The following IL17B variants were observed in gnomAD, a reference collection of about 807,000 sequenced individuals.
IL17B encodes the protein interleukin 17B.
IL17B carries 14 observed loss-of-function variants against 14.7 expected under a neutral mutation model. That is an observed-to-expected ratio of 0.95 (90% CI 0.63 to 1.49). The LOEUF (loss-of-function observed/expected upper bound fraction) is 1.49. Among genes scored for constraint, IL17B ranks in the 40% most tolerant of loss-of-function variants. The pLI, the probability that IL17B is intolerant of heterozygous loss-of-function variation, is 0.00. For missense variants in IL17B, 233 were observed against 252.8 expected, an observed-to-expected ratio of 0.92 and a Z score of 0.53; for synonymous variants, 105 against 94.8, an observed-to-expected ratio of 1.11 and a Z score of -0.62.
At position 149,374,932 on chromosome 5, in the gene IL17B, C is replaced by G. The variant is rs1758485056; in HGVS notation, c.312-332G>C. 1.8e-5 allele frequency: 4 copies of G among 225,792 alleles called. No individual in the cohort carries two copies. The highest frequency in any genetic ancestry group is 2.6e-5 in the Non-Finnish European group (3 of 114,986). The allele number at this position is 225,792 out of a possible 1,614,324, so 14.0% of individuals were successfully genotyped here. On this transcript the variant is annotated intron_variant, in intron 2 of 2. Transcript: ENST00000261796. The surrounding 1 kb of genome is among the most constrained non-coding windows in gnomAD (Gnocchi z 5.0). ...TACCACCTAGGGCCCTCATGTGTTT[C>G]CTTTATTTGAGACAGGGTCTCACTC...
chr5:149,389,042 GC>G, intron 1 of IL17B, among the ~76,000 whole-genome samples: 1 of 152,334 alleles, frequency 6.6e-6, no homozygotes, highest in South Asian at 2.1e-4. Flanking sequence ...GTAAATGTCG[GC>G]TGATAGGAAG....
chr5:149,393,117 G>A (rs895140053), intron 1 of IL17B, among the ~76,000 whole-genome samples: 4 of 152,092 alleles, frequency 2.6e-5, no homozygotes, highest in East Asian at 1.9e-4. Flanking sequence ...TACCTAACCC[G>A]TTTATTGTAC....
chr5:149,400,007 C>A (rs1046468935), intron 1 of IL17B, among the ~76,000 whole-genome samples: 1 of 152,144 alleles, frequency 6.6e-6, no homozygotes, highest in Admixed American at 6.5e-5. Context: ...GCAAGCACCC[C>A]TATATGGGTT....
chr5:149,379,263 G>A lies in IL17B; in HGVS notation c.-38C>T, dbSNP rs372213160. ...CAAGGTCAGCCTGCAGCTGCTGCCC[G>A]CCTGGAACCCCAGATGCCGCCGAGA... On this transcript the variant is annotated 5_prime_UTR_variant, in exon 1 of 3. Transcript: ENST00000261796. 2.9e-5 allele frequency: 47 copies of A among 1,613,136 alleles called. No individual in the cohort carries two copies. The Middle Eastern group carries it at 8.3e-4, about 28-fold the overall frequency.
rs752743282 is a variant in IL17B, at chr5:149,374,437, G to A, written c.475C>T (p.Arg159Cys). ...GCGCGCTGGCGGCAAGGCCCTGTGC[G>A]GGGCGGTGGCGGGCAGAGGCGGCGG... ...VRRRLCPPPP[R>C]TGPCRQRAVM... Residue 159 changes from arginine to cysteine, a missense_variant, in exon 3 of 3, where the codon CGC becomes TGC. By Grantham distance (180) the Arg-to-Cys change is radical. Transcript: ENST00000261796. This position sits in a 1 kb window ranked among gnomAD's most constrained non-coding sequence, Gnocchi z 5.0. 1.1e-4 allele frequency: 178 copies of A among 1,609,484 alleles called. No individual in the cohort carries two copies. In the Admixed American group the frequency reaches 1.5e-3, roughly 14 times the overall value.
At chr5:149,380,817 C>G (rs1758676008), upstream of IL17B, among the ~76,000 whole-genome samples, 1 of 152,208 alleles carries the variant, frequency 6.6e-6, no homozygotes, top group African/African-American at 2.4e-5. Context: ...ATTAATCTGT[C>G]CGGGGCAGGC....
intron 1 of IL17B, among the ~76,000 whole-genome samples, chr5:149,399,351 T>C (rs1759163966): frequency 6.6e-6 from 1 of 152,224 alleles, no homozygotes; most frequent in African/African-American, 2.4e-5. Context: ...AGTTCCCTTC[T>C]AAATCCTTTA....
upstream of IL17B, among the ~76,000 whole-genome samples, chr5:149,383,016 A>G (rs1758738501): frequency 6.6e-6 from 1 of 152,210 alleles, no homozygotes; most frequent in South Asian, 2.1e-4. Context: ...GCCTCCACAG[A>G]TGGGCTGGCC....
intron 1 of IL17B, among the ~76,000 whole-genome samples, chr5:149,399,140 G>A (rs574796278): frequency 7.9e-5 from 12 of 152,258 alleles, no homozygotes; most frequent in African/African-American, 2.6e-4. Flanking sequence ...CACAACACAT[G>A]GGAACTATGG....
chr5:149,377,183 CT>C (rs1277167422), intron 1 of IL17B, among the ~76,000 whole-genome samples, 158 bp from the exon 2 acceptor site: 1 of 151,262 alleles, frequency 6.6e-6, no homozygotes, highest in African/African-American at 2.5e-5. Flanking sequence ...AGATTACCCC[CT>C]GTTTCCTCTC....
chr5:149,384,217 G>A (rs936394781), upstream of IL17B, among the ~76,000 whole-genome samples: 7 of 152,096 alleles, frequency 4.6e-5, no homozygotes, highest in South Asian at 4.2e-4. Flanking sequence ...GGGAAAGCAC[G>A]GCAGACTTCA....
intron 1 of IL17B, among the ~76,000 whole-genome samples, chr5:149,391,002 A>G (rs1347306239): frequency 6.6e-6 from 1 of 151,942 alleles, no homozygotes; most frequent in African/African-American, 2.4e-5. Flanking sequence ...AGAGAACCTG[A>G]TTCTGTCACC....
At chr5:149,382,001 G>A (rs1758710638), upstream of IL17B, among the ~76,000 whole-genome samples, 1 of 152,128 alleles carries the variant, frequency 6.6e-6, no homozygotes, top group Admixed American at 6.5e-5. Flanking sequence ...GGTGGCCGCG[G>A]TCTCGCTCAG....
upstream of IL17B, among the ~76,000 whole-genome samples, chr5:149,380,960 CA>C (rs145268092): frequency 4.6e-5 from 7 of 152,362 alleles, no homozygotes; most frequent in East Asian, 1.3e-3. Context: ...AATACCTCCT[CA>C]GGCAACAAGG....
intron 2 of IL17B, among the ~76,000 whole-genome samples, chr5:149,375,528 C>T (rs916555173): frequency 6.6e-6 from 1 of 152,176 alleles, no homozygotes; most frequent in Non-Finnish European, 1.5e-5. Flanking sequence ...GGATCTTTAC[C>T]GACCCTTCCA....
At chr5:149,384,532 A>C (rs1758780752) in intron 1 of IL17B, among the ~76,000 whole-genome samples, 1 of 152,234 alleles carries the variant, frequency 6.6e-6, no homozygotes, top group South Asian at 2.1e-4. Context: ...GATGAACCAG[A>C]GTGCTCTGAA....
rs139682033 is a variant in IL17B at position 149,387,115 on chromosome 5, G to A, written n.96-10090C>T. Among the ~76,000 whole-genome samples, 813 of 151,446 alleles carry A rather than the reference G, an allele frequency of 5.4e-3. 3 individuals are homozygous for A. Among genetic ancestry groups the A allele is most frequent in the Middle Eastern group, 0.01 (3 of 292 alleles). On this transcript the variant is annotated intron_variant and non_coding_transcript_variant, in intron 1 of 2. Coordinates refer to the IL17B transcript ENST00000505432. ...GCTGGGCCCCTCTCCTCTCAGTCCT[G>A]TGCACCTCCTGCATGCATGGGAACT...
At chr5:149,375,188 A>C (rs765054687) in intron 2 of IL17B, 1 of 152,382 alleles carries the variant, frequency 6.6e-6, no homozygotes, top group Non-Finnish European at 1.5e-5. Flanking sequence ...TTCATTCAAC[A>C]CTTACATGCT....
chr5:149,397,540 A>G (rs939271366), intron 1 of IL17B, among the ~76,000 whole-genome samples: 3 of 152,224 alleles, frequency 2.0e-5, no homozygotes, highest in African/African-American at 7.2e-5. Flanking sequence ...TTGCGAGGGA[A>G]CAATTTCACA....
Sources: gnomAD v4.1 joint callset for allele counts (sites outside exome capture counted in the v4.1 genomes callset) on GRCh38, gnomAD v4.1.1 for gene constraint, Gnocchi (gnomAD v3.1) non-coding constraint, MANE v1.5 for transcripts, NCBI Gene and HGNC (gene_info 2026-07-23, HGNC 2026-07-21) for gene names.